The following CALN1 variants were observed in gnomAD, a reference collection of about 807,000 sequenced individuals.
CALN1 encodes calcium-binding protein 8.
Under a neutral mutation model 30.6 loss-of-function variants are expected in CALN1, and 17 were observed. The observed-to-expected ratio is 0.56, with a 90% confidence interval of 0.38 to 0.83. The LOEUF is 0.83. Among genes scored for constraint, CALN1 ranks in the 40% least tolerant of loss-of-function variants. CALN1 has a pLI of 0.00. For synonymous variants in CALN1, 156 were observed against 131.4 expected, an observed-to-expected ratio of 1.19 and a Z score of -1.28; for missense variants, 291 against 354.9, an observed-to-expected ratio of 0.82 and a Z score of 1.45.
At chr7:72,245,140 T>C (rs1234310238) in intron 3 of CALN1, among the ~76,000 whole-genome samples, 3 of 152,002 alleles carry the variant, frequency 2.0e-5, no homozygotes, top group African/African-American at 7.2e-5. Flanking sequence ...CCGCTGGAGG[T>C]GCTATGTAGG....
At chr7:71,882,848 A>ATT (rs1386386522) in intron 5 of CALN1, among the ~76,000 whole-genome samples, 11 of 100,320 alleles carry the variant, frequency 1.1e-4, no homozygotes, top group African/African-American at 4.0e-4. Flanking sequence ...TGCCCATCTA[A>ATT]TTTGTGTGTG....
chr7:72,363,054 G>T (rs747489231), intron 2 of CALN1, among the ~76,000 whole-genome samples: 3 of 152,126 alleles, frequency 2.0e-5, no homozygotes, highest in Non-Finnish European at 2.9e-5. Flanking sequence ...TTAAGTTCAG[G>T]GGGTACATGT....
chr7:72,006,723 G>A (rs1170103256), intron 5 of CALN1, among the ~76,000 whole-genome samples: 1 of 152,120 alleles, frequency 6.6e-6, no homozygotes, highest in Admixed American at 6.5e-5. Context: ...GGTATAAATG[G>A]TAATCATGGA....
At chr7:72,076,899 CTCTTT>C (rs755389065) in intron 4 of CALN1, among the ~76,000 whole-genome samples, 93 of 152,224 alleles carry the variant, frequency 6.1e-4, no homozygotes, top group Middle Eastern at 3.4e-3. Context: ...TCCTTTCTCT[CTCTTT>C]TATTTATTTG....
chr7:72,328,728 C>T (rs1378376674), intron 2 of CALN1, among the ~76,000 whole-genome samples: 1 of 152,216 alleles, frequency 6.6e-6, no homozygotes, highest in African/African-American at 2.4e-5. Flanking sequence ...CAGAGTCTCG[C>T]TCTGTTGCCC....
chr7:72,237,055 G>T (rs1208913748), intron 3 of CALN1, among the ~76,000 whole-genome samples: 1 of 113,178 alleles, frequency 8.8e-6, no homozygotes, highest in Non-Finnish European at 1.9e-5. Flanking sequence ...TGCAATCTCA[G>T]CTCACTGCAA....
At chr7:72,214,420 A>G (rs920452155) in intron 3 of CALN1, among the ~76,000 whole-genome samples, 7 of 152,094 alleles carry the variant, frequency 4.6e-5, no homozygotes, top group African/African-American at 1.7e-4. Context: ...TGGAGGCTGC[A>G]GTGAGCCAAG....
intron 3 of CALN1, among the ~76,000 whole-genome samples, chr7:72,270,978 G>T (rs987851435): frequency 5.9e-5 from 9 of 152,160 alleles, no homozygotes; most frequent in African/African-American, 2.2e-4. Flanking sequence ...AGAGAGGAAG[G>T]AAGACTTACA....
chr7:72,296,228 G>A, intron 2 of CALN1, among the ~76,000 whole-genome samples: 1 of 150,526 alleles, frequency 6.6e-6, no homozygotes, highest in Non-Finnish European at 1.5e-5. Context: ...TGATCATGGT[G>A]GATAAGCTTT....
rs189823097 is a variant in CALN1 at position 71,923,006 on chromosome 7, T to C, written c.501+100651A>G. 1.3e-3 allele frequency among the ~76,000 whole-genome samples: 192 copies of C among 145,340 alleles called. 3 individuals carry two copies. In the Middle Eastern group the frequency reaches 0.021, roughly 16 times the overall value. ...TCTATGTATCTATCTAACTACACTA[T>C]ACTATACTATACTATACTATTCTAT... On this transcript the variant is annotated intron_variant, in intron 5 of 6. Transcript: ENST00000395275.
At chr7:71,798,574 T>C (rs1452148068) in intron 6 of CALN1, among the ~76,000 whole-genome samples, 2 of 150,970 alleles carry the variant, frequency 1.3e-5, no homozygotes, top group Non-Finnish European at 2.9e-5. Context: ...CCAAAGTGTT[T>C]GGATTACAGG....
chr7:72,139,507 G>A (rs1184551080), intron 3 of CALN1, among the ~76,000 whole-genome samples: 1 of 143,472 alleles, frequency 7.0e-6, no homozygotes, highest in Non-Finnish European at 1.5e-5. Context: ...CCTCAGCCAT[G>A]CCCACCCTCT....
chr7:72,415,595 CAAG>C (rs1418624754), upstream of CALN1, among the ~76,000 whole-genome samples: 1 of 152,230 alleles, frequency 6.6e-6, no homozygotes, highest in Non-Finnish European at 1.5e-5. Context: ...ACAAGTAACA[CAAG>C]AAGAAATAAC....
chr7:72,376,763 C>T (rs1804582398), intron 2 of CALN1, among the ~76,000 whole-genome samples: 1 of 152,184 alleles, frequency 6.6e-6, no homozygotes. Context: ...TTCTGATTCA[C>T]ATTTAGGAAA....
At chr7:71,793,879 A>G (rs201640269) in intron 6 of CALN1, among the ~76,000 whole-genome samples, 25 of 146,060 alleles carry the variant, frequency 1.7e-4, no homozygotes, top group African/African-American at 6.3e-4. Context: ...CAAAAAAAAC[A>G]AAAAGAAACA....
rs149465686 is a variant in CALN1, at chr7:71,931,109, C to G, written c.501+92548G>C. On this transcript the variant is annotated intron_variant, in intron 5 of 6. Transcript: ENST00000395275. ...AAAATACTTGTATTGATGAAATTAACAAATAATAATAGAGGTTTTTCTTTT... is the reference window on the plus strand; with the variant it reads ...AAAATACTTGTATTGATGAAATTAAGAAATAATAATAGAGGTTTTTCTTTT... Among the ~76,000 whole-genome samples the G allele has an allele frequency of 1.3e-4, 20 of 152,220 alleles. No homozygotes were observed. The East Asian group carries it at 3.5e-3, about 26-fold the overall frequency.
intron 2 of CALN1, among the ~76,000 whole-genome samples, chr7:72,314,443 TGA>T (rs1193640690): frequency 1.4e-5 from 2 of 146,410 alleles, no homozygotes; most frequent in Non-Finnish European, 3.0e-5. Context: ...TTTTTTTTTT[TGA>T]GAGAGTCTCA....
At chr7:72,283,032 G>GCAAC (rs1797836649) in intron 2 of CALN1, among the ~76,000 whole-genome samples, 1 of 147,244 alleles carries the variant, frequency 6.8e-6, no homozygotes, top group African/African-American at 2.5e-5. Context: ...TCCAGCCTGG[G>GCAAC]TGATCGAGGG....
chr7:71,842,046 G>A (rs2116502112), intron 5 of CALN1, among the ~76,000 whole-genome samples: 1 of 151,976 alleles, frequency 6.6e-6, no homozygotes. Context: ...AGCCCTTCTT[G>A]GTCAAGGGTC....
Sources: allele counts gnomAD v4.1 joint callset (sites outside exome capture counted in the v4.1 genomes callset), GRCh38; gene constraint gnomAD v4.1.1; transcripts MANE v1.5; gene names NCBI Gene and HGNC (gene_info 2026-07-23, HGNC 2026-07-21).